The following CBLC variants were observed in gnomAD, a reference collection of about 807,000 sequenced individuals.
The protein encoded by CBLC is E3 ubiquitin-protein ligase CBL-C.
In CBLC, 46 loss-of-function variants were observed where a neutral mutation model predicts 58.6. That is an observed-to-expected ratio of 0.79 (90% CI 0.62 to 1.00). The LOEUF is 1.00. Ranked by LOEUF, CBLC falls within the 50% of genes least tolerant of loss-of-function variation. The probability of loss-of-function intolerance (pLI) is 0.00; values close to 1 mark genes in which losing one functional copy is unlikely to be tolerated. For missense variants in CBLC, 655 were observed against 625.8 expected (o/e 1.05, Z -0.50); for synonymous variants, 271 against 264.2 (o/e 1.03, Z -0.25).
At chr19:44,784,994 CAG>C (rs1203252424) in intron 5 of CBLC, among the ~76,000 whole-genome samples, 2 of 64,288 alleles carry the variant, frequency 3.1e-5, no homozygotes, top group Admixed American at 2.8e-4. Context: ...TTTTTTGAGA[CAG>C]AGTCTTGCTC....
At chr19:44,799,694 A>AG (rs1568566766) in intron 9 of CBLC, among the ~76,000 whole-genome samples, 6 of 146,198 alleles carry the variant, frequency 4.1e-5, no homozygotes, top group Admixed American at 2.0e-4. Flanking sequence ...AAAGTAAAGA[A>AG]AGAGAGAGAG....
rs1232691082 is a variant in CBLC, at chr19:44,793,496, C to T, written c.1160C>T (p.Pro387Leu). 1.2e-6 allele frequency: 2 copies of T among 1,612,174 alleles called. No individual in the cohort carries two copies. Among genetic ancestry groups the T allele is most frequent in the African/African-American group, 2.7e-5 (2 of 74,946 alleles). The change falls in exon 8 of 11, where the codon CCC becomes CTC. Residue 387 changes from proline to leucine, a missense_variant. This residue lies in a region of CBLC where 371 missense variants were observed against 370.8 expected (regional missense o/e 1.00). Transcript: ENST00000647358. ...AWQHSDSQTCPFCRCEIKGWE... is the reference protein window; with the variant it reads ...AWQHSDSQTCLFCRCEIKGWE... Reference sequence around the variant, plus strand: ...CAGCACTCGGACAGCCAGACCTGCCCCTTCTGCCGCTGCGAGATCAAGGGC... The same window carrying T: ...CAGCACTCGGACAGCCAGACCTGCCTCTTCTGCCGCTGCGAGATCAAGGGC...
intron 5 of CBLC, among the ~76,000 whole-genome samples, chr19:44,784,615 G>T (rs960499958): frequency 6.6e-6 from 1 of 152,200 alleles, no homozygotes; most frequent in African/African-American, 2.4e-5. Context: ...GCCATAGATC[G>T]GGCCCAGCCA....
At chr19:44,790,413 A>G (rs1391786988) in intron 6 of CBLC, among the ~76,000 whole-genome samples, 1 of 152,154 alleles carries the variant, frequency 6.6e-6, no homozygotes, top group Non-Finnish European at 1.5e-5. Context: ...AAAAACAACA[A>G]TAACAAATAA....
At position 44,780,768 on chromosome 19, in the gene CBLC, C is replaced by T. The variant is rs556934367; in HGVS notation, c.354-137C>T. 8.9e-6 allele frequency: 8 copies of T among 903,600 alleles called. 1 individual carries two copies. In the East Asian group the frequency reaches 1.3e-4, roughly 14 times the overall value. 56.0% of individuals were successfully genotyped at this position (903,600 alleles called of 1,614,324 possible). A position where few individuals can be genotyped will look rare whatever the true frequency, so the allele number is the denominator to read the frequency against. Reference sequence around the variant, plus strand: ...GATTACAGGCGTGAGCCACCACGCCCAGCAGGAATGGACTCTTACCTTACA... The same window carrying T: ...GATTACAGGCGTGAGCCACCACGCCTAGCAGGAATGGACTCTTACCTTACA... On this transcript the variant is annotated intron_variant, in intron 1 of 10. Coordinates refer to ENST00000647358, the MANE Select transcript of CBLC (RefSeq NM_012116.4).
rs773939139 is a variant in CBLC, at chr19:44,793,551, C to T, written c.1215C>T (p.His405=). 2.5e-6 allele frequency: 4 copies of T among 1,611,844 alleles called. No homozygotes were observed. The highest frequency in any genetic ancestry group is 3.4e-6 in the Non-Finnish European group (4 of 1,179,410). ...AGGCCGTGAGTATCTACCAGTTCCACGGTCAGGCTACTGCTGAGGACTCAG... is the reference window on the plus strand; with the variant it reads ...AGGCCGTGAGTATCTACCAGTTCCATGGTCAGGCTACTGCTGAGGACTCAG... ...GWEAVSIYQF[H]GQATAEDSGN... Residue 405 remains histidine, a synonymous_variant, in exon 8 of 11, where the codon CAC becomes CAT. Transcript: ENST00000647358.
chr19:44,793,729 T>C, intron 8 of CBLC, 109 bp downstream of exon 8: 6 of 1,068,240 alleles, frequency 5.6e-6, no homozygotes, highest in Non-Finnish European at 6.7e-6. Context: ...GGGCCTGGAC[T>C]CCTGGGTCTG....
intron 5 of CBLC, among the ~76,000 whole-genome samples, 191 bp downstream of exon 5, chr19:44,784,592 G>T (rs2927448): frequency 0.2 from 29,720 of 152,120 alleles, 4,896 homozygotes; most frequent in African/African-American, 0.45. Flanking sequence ...GCCTCTGAGG[G>T]TCGCACAAAG....
intron 6 of CBLC, 61 bp from the exon 7 acceptor site, chr19:44,792,322 A>C: frequency 6.3e-7 from 1 of 1,596,248 alleles, no homozygotes; most frequent in Non-Finnish European, 8.5e-7. Flanking sequence ...CTGTGGCCCA[A>C]GTTGTGTCCC....
chr19:44,788,246 A>G (rs1046483186), intron 5 of CBLC, among the ~76,000 whole-genome samples: 2 of 151,630 alleles, frequency 1.3e-5, no homozygotes, highest in Non-Finnish European at 2.9e-5. Flanking sequence ...GCCTCTCCTG[A>G]GTAGCTGAGA....
intron 9 of CBLC, among the ~76,000 whole-genome samples, chr19:44,800,110 A>G (rs139324720): frequency 5.9e-5 from 9 of 152,324 alleles, no homozygotes; most frequent in African/African-American, 1.9e-4. Flanking sequence ...ACCCCTGTCC[A>G]GGGCCTGTGA....
At chr19:44,779,170 A>G (rs1967657375) in intron 1 of CBLC, among the ~76,000 whole-genome samples, 2 of 152,220 alleles carry the variant, frequency 1.3e-5, no homozygotes, top group Admixed American at 1.3e-4. Flanking sequence ...ATTTGTGATC[A>G]GAACTTGGCC....
chr19:44,790,814 A>G (rs1968027462), intron 6 of CBLC, among the ~76,000 whole-genome samples: 1 of 152,186 alleles, frequency 6.6e-6, no homozygotes, highest in Non-Finnish European at 1.5e-5. Context: ...CACGGTTTAC[A>G]TGAAATTCAA....
rs780339606 is a variant in CBLC, at chr19:44,778,031, G to A, written c.100G>A (p.Asp34Asn). 1.9e-6 allele frequency: 3 copies of A among 1,609,406 alleles called. No individual in the cohort carries two copies. The highest frequency in any genetic ancestry group is 1.1e-5 in the South Asian group (1 of 91,070). The change falls in exon 1 of 11, where the codon GAC (aspartate) becomes AAC (asparagine). Residue 34 changes from aspartate to asparagine, a missense_variant. Coordinates refer to ENST00000647358, the MANE Select transcript of CBLC (RefSeq NM_012116.4). Reference sequence around the variant, plus strand: ...GCAGCGCCTAGAAGAGCAATGCGTCGACCCCCGGCTGTCCGTGAGTCCCCC... The same window carrying A: ...GCAGCGCCTAGAAGAGCAATGCGTCAACCCCCGGCTGTCCGTGAGTCCCCC... ...MLQRLEEQCV[D>N]PRLSVSPPSL...
intron 9 of CBLC, among the ~76,000 whole-genome samples, 176 bp downstream of exon 9, chr19:44,794,457 C>CTTTTTT (rs200824891): frequency 1.1e-3 from 88 of 78,324 alleles, no homozygotes; most frequent in African/African-American, 2.2e-3. Flanking sequence ...CTGGGACTTT[C>CTTTTTT]TTTTTTTTTT....
Position 44,781,016 on chromosome 19 carries a change from C to T in CBLC, c.465C>T (p.Pro155=), listed in dbSNP as rs201551471. The change falls in exon 2 of 11, where the codon CCC becomes CCT. Residue 155 remains proline, a synonymous_variant. Transcript: ENST00000647358. ...ACATGTACCAGCTCACCAAGGCCCC[C>T]GCCCACACCTTCTGGAGGGAAAGTT... ...CGHMYQLTKA[P]AHTFWRESCG... 7 of 1,613,400 alleles carry T rather than the reference C, an allele frequency of 4.3e-6. No individual in the cohort carries two copies. Among genetic ancestry groups the T allele is most frequent in the Middle Eastern group, 1.7e-4 (1 of 5,890 alleles).
At position 44,780,951 on chromosome 19, in the gene CBLC, G is replaced by A. The variant is rs765128314; in HGVS notation, c.400G>A (p.Glu134Lys). The A allele has an allele frequency of 4.3e-6, 7 of 1,613,336 alleles. No individual in the cohort carries two copies. The change falls in exon 2 of 11, where the codon GAG (glutamate) becomes AAG (lysine). Residue 134 changes from glutamate to lysine, a missense_variant. Transcript: ENST00000647358. ...LAIIFSHMHA[E>K]LHALFPGGKY... Reference sequence around the variant, plus strand: ...CATCATCTTCAGCCACATGCACGCAGAGCTGCACGCACTCTTCCCCGGGGG... The same window carrying A: ...CATCATCTTCAGCCACATGCACGCAAAGCTGCACGCACTCTTCCCCGGGGG...
chr19:44,793,746 G>A (rs1457989507), intron 8 of CBLC, 126 bp downstream of exon 8: 1 of 898,712 alleles, frequency 1.1e-6, no homozygotes, highest in Non-Finnish European at 1.7e-6. Context: ...TCTGAGGGAA[G>A]AGGGGTTGGA....
intron 6 of CBLC, among the ~76,000 whole-genome samples, chr19:44,791,255 A>G (rs1444986410): frequency 6.6e-6 from 1 of 151,610 alleles, no homozygotes; most frequent in Non-Finnish European, 1.5e-5. Flanking sequence ...GCAGTAGGCC[A>G]AGATTGCGAC....
Sources: gnomAD v4.1 joint callset for allele counts (sites outside exome capture counted in the v4.1 genomes callset) on GRCh38, gnomAD v4.1.1 for gene constraint, gnomAD v4.1.1 regional missense constraint, MANE v1.5 for transcripts, NCBI Gene and HGNC (gene_info 2026-07-23, HGNC 2026-07-21) for gene names.